The following RYR2 variants were observed in gnomAD, a reference collection of about 807,000 sequenced individuals.
RYR2 encodes cardiac muscle ryanodine receptor-calcium release channel.
A neutral mutation model predicts 601.1 loss-of-function variants in RYR2; 227 were observed. The observed-to-expected ratio is 0.38, with a 90% CI of 0.34 to 0.42. The LOEUF (loss-of-function observed/expected upper bound fraction) is 0.42, where lower values mean the gene tolerates loss of function less well. RYR2 is among the 10% of genes least tolerant of loss of function. The pLI, the probability that RYR2 is intolerant of heterozygous loss-of-function variation, is 1.00. For synonymous variants in RYR2, 2,223 were observed against 2,175.1 expected (o/e 1.02, Z -0.61); for missense variants, 4,646 against 6,156.5 (o/e 0.75, Z 8.21).
intron 62 of RYR2, among the ~76,000 whole-genome samples, chr1:237,680,953 A>G (rs1685825868): frequency 2.0e-5 from 3 of 152,210 alleles, no homozygotes. Flanking sequence ...ATTGTTCAGA[A>G]GAAAACCCCA....
chr1:237,239,255 A>G (rs1233566907), intron 1 of RYR2, among the ~76,000 whole-genome samples: 1 of 152,106 alleles, frequency 6.6e-6, no homozygotes, highest in East Asian at 1.9e-4. Context: ...GCCTCACACC[A>G]AGGCAATCAA....
Position 237,779,562 on chromosome 1 carries a change from G to A in RYR2, c.11880+792G>A, listed in dbSNP as rs1376190208. Among the ~76,000 whole-genome samples the A allele has an allele frequency of 2.6e-5, 4 of 152,164 alleles. No individual in the cohort carries two copies. In the East Asian group the frequency reaches 7.7e-4, roughly 29 times the overall value. On this transcript the variant is annotated intron_variant, in intron 88 of 104. Transcript: ENST00000366574. The stretch of plus-strand genomic sequence containing the variant: ...GCCATGACTTGTTCCACCCGTGTGG[G>A]CCAGGTCTCTCTTCCCTGAGGCCTT...
In RYR2 at chr1:237,627,875, G is replaced by C. The variant is rs769596818; in HGVS notation, c.6235G>C (p.Glu2079Gln). The change falls in exon 41 of 105, where the codon GAG becomes CAG. Residue 2079 changes from glutamate (E) to glutamine (Q), a missense_variant. Physicochemically the swap from Glu to Gln is conservative, Grantham distance 29. Transcript: ENST00000366574. ...WAQESVIEDP[E>Q]LVRAMFVLLH... ...TCAGGAGTCTGTCATTGAAGACCCC[G>C]AGCTGGTGAGGGCCATGTTTGTGTT... The C allele has an allele frequency of 6.2e-7, 1 of 1,613,714 alleles. No homozygotes were observed. Among genetic ancestry groups the C allele is most frequent in the Admixed American group, 1.7e-5 (1 of 59,998 alleles).
At position 237,491,967 on chromosome 1, in the gene RYR2, T is replaced by C. The variant is rs188369875; in HGVS notation, c.1827+43T>C. On this transcript the variant is annotated intron_variant, in intron 18 of 104. Coordinates refer to ENST00000366574, the MANE Select transcript of RYR2 (RefSeq NM_001035.3). ...TTTCCCTGAATGAATTCTCAAATCC[T>C]TTTAGATATATTTTTAAATACAATA... is the stretch of plus-strand genomic sequence containing the variant. The C allele has an allele frequency of 0.013, 10,801 of 838,508 alleles. 99 individuals are homozygous for C. The highest frequency in any genetic ancestry group is 0.016 in the Non-Finnish European group (8,650 of 526,368). The allele number at this position is 838,508 out of a possible 1,614,324, so 51.9% of individuals were successfully genotyped here.
chr1:237,532,971 G>A (rs1668280086), intron 25 of RYR2, among the ~76,000 whole-genome samples: 2 of 152,162 alleles, frequency 1.3e-5, no homozygotes, highest in Admixed American at 6.5e-5. Flanking sequence ...CTTTAAGATA[G>A]GTAGATGATA....
chr1:237,335,116 C>T (rs578034177), intron 3 of RYR2, among the ~76,000 whole-genome samples: 1 of 152,182 alleles, frequency 6.6e-6, no homozygotes, highest in East Asian at 1.9e-4. Context: ...TCCCCTCGAC[C>T]CCAGTATTCT....
intron 17 of RYR2, among the ~76,000 whole-genome samples, chr1:237,481,023 A>C (rs1399982722): frequency 1.3e-5 from 2 of 151,610 alleles, no homozygotes; most frequent in Non-Finnish European, 2.9e-5. Context: ...CAGCATAAAA[A>C]TATGAAGCAT....
intron 12 of RYR2, among the ~76,000 whole-genome samples, chr1:237,435,203 A>G (rs1707221099): frequency 6.6e-6 from 1 of 152,232 alleles, no homozygotes; most frequent in Non-Finnish European, 1.5e-5. Flanking sequence ...AGAGGTGAAT[A>G]ACTTACTATG....
At chr1:237,509,081 G>T (rs1278602815) in intron 23 of RYR2, among the ~76,000 whole-genome samples, 1 of 152,096 alleles carries the variant, frequency 6.6e-6, no homozygotes, top group Non-Finnish European at 1.5e-5. Context: ...GTACCGTGGG[G>T]CCTTCTTGCC....
chr1:237,745,311 T>C (rs1249425114), intron 80 of RYR2, among the ~76,000 whole-genome samples: 1 of 152,102 alleles, frequency 6.6e-6, no homozygotes, highest in Non-Finnish European at 1.5e-5. Flanking sequence ...ATAATAAGAA[T>C]TTGGTAGATT....
chr1:237,112,419 C>G (rs1218843466), intron 1 of RYR2, among the ~76,000 whole-genome samples: 6 of 152,120 alleles, frequency 3.9e-5, no homozygotes, highest in African/African-American at 1.2e-4. Context: ...CGGCCCCCTC[C>G]TCTCTTTTTA....
At chr1:237,307,732 C>G (rs539703794) in intron 2 of RYR2, among the ~76,000 whole-genome samples, 3 of 152,260 alleles carry the variant, frequency 2.0e-5, no homozygotes, top group African/African-American at 7.2e-5. Flanking sequence ...AATTATGGCT[C>G]TCAGGCCTAA....
At chr1:237,235,837 C>T (rs1685498406) in intron 1 of RYR2, among the ~76,000 whole-genome samples, 1 of 152,140 alleles carries the variant, frequency 6.6e-6, no homozygotes, top group Non-Finnish European at 1.5e-5. Context: ...GATGTGGCAT[C>T]ATTTAAATGG....
chr1:237,483,118 G>T (rs938277119), intron 17 of RYR2, among the ~76,000 whole-genome samples: 2 of 152,146 alleles, frequency 1.3e-5, no homozygotes, highest in African/African-American at 4.8e-5. Flanking sequence ...GATTTTATTT[G>T]AATCAAACTA....
At chr1:237,400,205 T>TA (rs1273667424) in intron 10 of RYR2, among the ~76,000 whole-genome samples, 59 of 152,218 alleles carry the variant, frequency 3.9e-4, no homozygotes, top group African/African-American at 1.4e-3. Context: ...TATTATTTGT[T>TA]ACAACTGCAC....
intron 10 of RYR2, among the ~76,000 whole-genome samples, chr1:237,400,471 A>T (rs1703253808): frequency 6.6e-6 from 1 of 152,136 alleles, no homozygotes; most frequent in Non-Finnish European, 1.5e-5. Context: ...GCATGTAAAG[A>T]GAGACCCTGA....
intron 3 of RYR2, among the ~76,000 whole-genome samples, chr1:237,355,156 A>G (rs938795887): frequency 6.6e-6 from 1 of 152,172 alleles, no homozygotes; most frequent in Non-Finnish European, 1.5e-5. Context: ...AAGGGTGTGA[A>G]GCAAGCCACA....
chr1:237,671,691 G>GA (rs963862874), intron 58 of RYR2, among the ~76,000 whole-genome samples: 1 of 152,022 alleles, frequency 6.6e-6, no homozygotes, highest in African/African-American at 2.4e-5. Context: ...GAAATCAGGA[G>GA]AAAAATGCCT....
chr1:237,405,216 T>G (rs544320679), intron 10 of RYR2, among the ~76,000 whole-genome samples: 2 of 152,224 alleles, frequency 1.3e-5, no homozygotes, highest in Admixed American at 6.5e-5. Flanking sequence ...GACCCTAAAT[T>G]GTAGAGATGA....
Sources: allele counts gnomAD v4.1 joint callset (sites outside exome capture counted in the v4.1 genomes callset), GRCh38; gene constraint gnomAD v4.1.1; transcripts MANE v1.5; gene names NCBI Gene and HGNC (gene_info 2026-07-23, HGNC 2026-07-21).